SLC30A8: variants seen among roughly 807,000 people sequenced by gnomAD.
SLC30A8 encodes the protein solute carrier family 30 member 8, also known as proton-coupled zinc antiporter SLC30A8.
In SLC30A8, 27 loss-of-function variants were observed where a neutral mutation model predicts 36.9. That is an observed-to-expected ratio of 0.73 (90% CI 0.54 to 1.01). SLC30A8 has a LOEUF of 1.01. Ranked by LOEUF, SLC30A8 falls within the 50% of genes least tolerant of loss-of-function variation. SLC30A8 has a pLI of 0.00. For synonymous variants in SLC30A8, 164 were observed against 172.4 expected (o/e 0.95, Z 0.38); for missense variants, 439 against 452.0 (o/e 0.97, Z 0.26).
chr8:116,972,776 C>G (rs76559120), intron 1 of SLC30A8, among the ~76,000 whole-genome samples: 5 of 152,132 alleles, frequency 3.3e-5, no homozygotes, highest in Admixed American at 6.6e-5. Context: ...TAAATTATAT[C>G]TTCTTTTCTA....
intron 1 of SLC30A8, among the ~76,000 whole-genome samples, chr8:116,971,695 C>A (rs760871463): frequency 8.6e-5 from 13 of 152,000 alleles, no homozygotes; most frequent in Non-Finnish European, 1.5e-4. Flanking sequence ...CTGCCCTAGG[C>A]TTGTCTCTGT....
intron 2 of SLC30A8, among the ~76,000 whole-genome samples, chr8:117,077,942 G>A (rs562467905): frequency 1.1e-4 from 17 of 152,226 alleles, no homozygotes; most frequent in South Asian, 4.1e-4. Context: ...AGCACTTTTC[G>A]TGGCACGGAT....
chr8:117,117,738 G>A (rs891631724), intron 2 of SLC30A8, among the ~76,000 whole-genome samples: 12 of 151,868 alleles, frequency 7.9e-5, no homozygotes, highest in Non-Finnish European at 1.8e-4. Context: ...ATCTCAGCAG[G>A]GAGCTACCAG....
chr8:117,130,424 G>A (rs1821080527), upstream of SLC30A8: 1 of 151,920 alleles, frequency 6.6e-6, no homozygotes, highest in African/African-American at 2.4e-5. Flanking sequence ...ATTTCCCAAA[G>A]ATGAATTATG....
intron 4 of SLC30A8, among the ~76,000 whole-genome samples, chr8:117,159,888 A>T (rs1048872864): frequency 6.6e-6 from 1 of 152,206 alleles, no homozygotes; most frequent in Non-Finnish European, 1.5e-5. Context: ...TTCTAAACAG[A>T]TATCATCCAA....
At chr8:117,063,277 G>A (rs920517497) in intron 2 of SLC30A8, among the ~76,000 whole-genome samples, 4 of 151,624 alleles carry the variant, frequency 2.6e-5, no homozygotes, top group Admixed American at 6.6e-5. Flanking sequence ...CTCTTTTATC[G>A]GGGAAATTAT....
At chr8:117,010,872 A>G (rs1816320593) in intron 1 of SLC30A8, among the ~76,000 whole-genome samples, 1 of 152,132 alleles carries the variant, frequency 6.6e-6, no homozygotes, top group Non-Finnish European at 1.5e-5. Flanking sequence ...CTCTTGTGAG[A>G]ACTCTGTCAC....
At position 117,135,256 on chromosome 8, in the gene SLC30A8, T is replaced by C; in HGVS notation, c.-72T>C. ...GAAAGTGTATAAATAATTGCAGTGCTGCTTTGCTTCCAAAACTGGGCAGTG... is the reference window on the plus strand; with the variant it reads ...GAAAGTGTATAAATAATTGCAGTGCCGCTTTGCTTCCAAAACTGGGCAGTG... On this transcript the variant is annotated 5_prime_UTR_variant, in exon 1 of 8. Transcript: ENST00000456015. 9.1e-7 allele frequency: 1 copy of C among 1,100,268 alleles called. No homozygotes were observed. The highest frequency in any genetic ancestry group is 1.7e-5 in the South Asian group (1 of 60,524). The allele number at this position is 1,100,268 out of a possible 1,614,324, so 68.2% of individuals were successfully genotyped here.
chr8:117,007,866 T>C (rs762806326), intron 1 of SLC30A8, among the ~76,000 whole-genome samples: 16 of 152,298 alleles, frequency 1.1e-4, no homozygotes, highest in Admixed American at 6.5e-4. Context: ...TTTAATATAT[T>C]AAAAATTGAT....
intron 1 of SLC30A8, among the ~76,000 whole-genome samples, chr8:116,967,669 T>G (rs1814643594): frequency 6.6e-6 from 1 of 152,238 alleles, no homozygotes. Context: ...TACAGTAGGT[T>G]TCTTACGGTG....
intron 2 of SLC30A8, among the ~76,000 whole-genome samples, chr8:117,058,964 C>T (rs749353145): frequency 2.0e-5 from 3 of 152,118 alleles, no homozygotes; most frequent in Non-Finnish European, 4.4e-5. Context: ...GATCCCTCCA[C>T]CATACCTTTT....
In SLC30A8 at chr8:117,013,431, A is replaced by G. The variant is rs1038604733; in HGVS notation, c.-265-25788A>G. On this transcript the variant is annotated intron_variant, in intron 1 of 10. Coordinates refer to the SLC30A8 transcript ENST00000427715. Reference sequence around the variant, plus strand: ...TGAGCAGCAGAGATGTTCAGTGGGAAATGTTATCAAATCATCTAGGCACCC... The same window carrying G: ...TGAGCAGCAGAGATGTTCAGTGGGAGATGTTATCAAATCATCTAGGCACCC... 3.9e-5 allele frequency among the ~76,000 whole-genome samples: 6 copies of G among 152,188 alleles called. No homozygotes were observed. In the East Asian group the frequency reaches 9.6e-4, roughly 24 times the overall value.
intron 1 of SLC30A8, among the ~76,000 whole-genome samples, chr8:116,999,472 G>A (rs1815933981): frequency 6.6e-6 from 1 of 152,296 alleles, no homozygotes; most frequent in African/African-American, 2.4e-5. Flanking sequence ...GTATGTGGGT[G>A]TGAGGAGACA....
In SLC30A8 at chr8:117,174,992, C is replaced by A. The variant is rs1035545637; in HGVS notation, c.*2311C>A. 2.6e-5 allele frequency: 4 copies of A among 152,030 alleles called. No individual in the cohort carries two copies. The highest frequency in any genetic ancestry group is 6.6e-5 in the Admixed American group (1 of 15,254). The allele number at this position is 152,030 out of a possible 1,614,324, so 9.4% of individuals were successfully genotyped here. On this transcript the variant is annotated 3_prime_UTR_variant, in exon 8 of 8. Coordinates refer to ENST00000456015, the MANE Select transcript of SLC30A8 (RefSeq NM_173851.3). ...TCTGAAGTTCTGACTCTCCCATTACCCTTTCCCTGGTGTGGTCAGAACTCC... is the reference window on the plus strand; with the variant it reads ...TCTGAAGTTCTGACTCTCCCATTACACTTTCCCTGGTGTGGTCAGAACTCC...
chr8:117,138,457 C>CT (rs1821474254), intron 1 of SLC30A8, among the ~76,000 whole-genome samples: 1 of 152,024 alleles, frequency 6.6e-6, no homozygotes, highest in African/African-American at 2.4e-5. Flanking sequence ...GAGCTCAACT[C>CT]TGAGTGGATG....
intron 1 of SLC30A8, among the ~76,000 whole-genome samples, chr8:116,999,910 A>G (rs1468794555): frequency 6.6e-6 from 1 of 152,218 alleles, no homozygotes; most frequent in Admixed American, 6.5e-5. Context: ...GAGAACAACA[A>G]TAGACATATT....
chr8:116,952,611 A>G (rs1814034194), intron 1 of SLC30A8, among the ~76,000 whole-genome samples: 1 of 152,024 alleles, frequency 6.6e-6, no homozygotes, highest in Non-Finnish European at 1.5e-5. Flanking sequence ...CATCTGGCTA[A>G]CTTTTTTGTT....
intron 7 of SLC30A8, among the ~76,000 whole-genome samples, chr8:117,171,475 G>T (rs1181076215): frequency 2.6e-5 from 4 of 152,166 alleles, no homozygotes; most frequent in Admixed American, 2.6e-4. Flanking sequence ...TTGGCTTGGT[G>T]CCCTATCAGT....
intron 1 of SLC30A8, among the ~76,000 whole-genome samples, chr8:117,142,806 A>G (rs909574635): frequency 6.6e-6 from 1 of 152,072 alleles, no homozygotes; most frequent in East Asian, 1.9e-4. Flanking sequence ...CTCTGTTACT[A>G]TTGATTCATT....
Sources: allele counts gnomAD v4.1 joint callset (sites outside exome capture counted in the v4.1 genomes callset), GRCh38; gene constraint gnomAD v4.1.1; transcripts MANE v1.5; gene names NCBI Gene and HGNC (gene_info 2026-07-23, HGNC 2026-07-21).